FBXO31: variants seen among roughly 807,000 people sequenced by gnomAD.
FBXO31 encodes F-box protein 31.
Under a neutral mutation model 54.4 loss-of-function variants are expected in FBXO31, and 24 were observed. That is an observed-to-expected ratio of 0.44 (90% confidence interval 0.32 to 0.62). The LOEUF is 0.62. Among genes scored for constraint, FBXO31 ranks in the 20% least tolerant of loss-of-function variants. FBXO31 has a pLI of 0.05. For missense variants in FBXO31, 665 were observed against 787.1 expected (o/e 0.84, Z 1.86); for synonymous variants, 388 against 335.6 (o/e 1.16, Z -1.71).
intron 1 of FBXO31, among the ~76,000 whole-genome samples, chr16:87,368,360 T>G (rs142735105): frequency 6.6e-6 from 1 of 152,354 alleles, no homozygotes; most frequent in African/African-American, 2.4e-5. Context: ...CACATCCTTT[T>G]ATTGTTCTAT....
At chr16:87,334,398 T>TA in intron 7 of FBXO31, 112 bp from the exon 8 acceptor site, 1 of 995,502 alleles carries the variant, frequency 1.0e-6, no homozygotes, top group South Asian at 1.6e-5. Context: ...CCAGCCCTCC[T>TA]ACTGACTTAG....
In FBXO31 at chr16:87,343,781, G is replaced by A. The variant is rs1245393072; in HGVS notation, c.490-16C>T. On this transcript the variant is annotated splice_polypyrimidine_tract_variant and intron_variant, in intron 3 of 8. Coordinates refer to ENST00000311635, the MANE Select transcript of FBXO31 (RefSeq NM_024735.5). ...GGCCGTCCACCTACAGGAGGAGATG[G>A]GCAAAGGTCCATGAGTGGCTCCCGG... 6.2e-7 allele frequency: 1 copy of A among 1,613,698 alleles called. No homozygotes were observed. The highest frequency in any genetic ancestry group is 1.1e-5 in the South Asian group (1 of 91,060).
At chr16:87,376,836 T>C (rs932434298) in intron 1 of FBXO31, among the ~76,000 whole-genome samples, 4 of 152,214 alleles carry the variant, frequency 2.6e-5, no homozygotes, top group Non-Finnish European at 5.9e-5. Context: ...GGCCTGCCCT[T>C]GGCCTTATCA....
chr16:87,363,731 C>CT (rs879269406), intron 1 of FBXO31, among the ~76,000 whole-genome samples: 5 of 152,154 alleles, frequency 3.3e-5, no homozygotes, highest in Non-Finnish European at 5.9e-5. Context: ...CTGTGAGAGT[C>CT]TCCTGAGAGG....
intron 1 of FBXO31, among the ~76,000 whole-genome samples, chr16:87,361,092 G>A (rs747012488): frequency 5.9e-5 from 9 of 152,286 alleles, no homozygotes; most frequent in East Asian, 1.9e-4. Flanking sequence ...AGGAAAGACC[G>A]CCAGGGACTA....
chr16:87,366,880 TA>T (rs1324156691), intron 1 of FBXO31, among the ~76,000 whole-genome samples: 1 of 151,176 alleles, frequency 6.6e-6, no homozygotes, highest in African/African-American at 2.4e-5. Context: ...ATGCGGAAAA[TA>T]AAAAAGAAAC....
intron 2 of FBXO31, among the ~76,000 whole-genome samples, chr16:87,351,415 A>G (rs868445292): frequency 1.4e-3 from 218 of 151,450 alleles, no homozygotes; most frequent in African/African-American, 4.9e-3. Context: ...GTGGCGGGGG[A>G]AAGGAGCCAG....
chr16:87,351,643 C>T (rs1258925008), intron 2 of FBXO31, among the ~76,000 whole-genome samples: 2 of 152,074 alleles, frequency 1.3e-5, no homozygotes, highest in Non-Finnish European at 2.9e-5. Flanking sequence ...CCGAGGCAGG[C>T]GGATTACCTG....
intron 5 of FBXO31, among the ~76,000 whole-genome samples, chr16:87,337,899 T>A (rs1012454478): frequency 2.0e-5 from 3 of 151,666 alleles, no homozygotes; most frequent in South Asian, 4.2e-4. Context: ...TTTTTTAGGA[T>A]TCAGAAAATA....
At chr16:87,388,715 AATTCT>A (rs1207041690), upstream of FBXO31, 5 of 152,232 alleles carry the variant, frequency 3.3e-5, no homozygotes, top group African/African-American at 4.8e-5. Context: ...CATCACATTC[AATTCT>A]TAGCAGTTAC....
At position 87,345,447 on chromosome 16, in the gene FBXO31, C is replaced by G. The variant is rs1905345402; in HGVS notation, c.490-1682G>C. Among the ~76,000 whole-genome samples, 2 of 152,222 alleles carry G rather than the reference C, an allele frequency of 1.3e-5. No homozygotes were observed. Among genetic ancestry groups the G allele is most frequent in the Non-Finnish European group, 2.9e-5 (2 of 68,034 alleles). On this transcript the variant is annotated intron_variant, in intron 3 of 8. Transcript: ENST00000311635. The surrounding 1 kb of genome is among the most constrained non-coding windows in gnomAD (Gnocchi z 4.9). ...CCCGCAGAGCACCACCTCCTCACCC[C>G]ACAGGGACACCTGCAAATACCAAGA...
Position 87,342,957 on chromosome 16 carries a change from G to T in FBXO31, c.658-6C>A. 6.2e-7 allele frequency: 1 copy of T among 1,603,722 alleles called. No homozygotes were observed. Among genetic ancestry groups the T allele is most frequent in the East Asian group, 2.2e-5 (1 of 44,584 alleles). ...AACTCATCCTTCTTCACAATCTTCA[G>T]TGTTTGCAACACAAGGAAAGAGAAG... is the stretch of plus-strand genomic sequence containing the variant. On this transcript the variant is annotated splice_polypyrimidine_tract_variant and splice_region_variant and intron_variant, in intron 4 of 8. Coordinates refer to ENST00000311635, the MANE Select transcript of FBXO31 (RefSeq NM_024735.5).
intron 1 of FBXO31, among the ~76,000 whole-genome samples, chr16:87,369,751 G>A (rs1906517908): frequency 6.6e-6 from 1 of 152,064 alleles, no homozygotes; most frequent in Admixed American, 6.5e-5. Flanking sequence ...CTACAATACT[G>A]TTTTCCACAG....
At chr16:87,333,637 GCT>G (rs1420441392) in intron 8 of FBXO31, among the ~76,000 whole-genome samples, 2 of 152,236 alleles carry the variant, frequency 1.3e-5, no homozygotes, top group Non-Finnish European at 2.9e-5. Context: ...TGCCCCTGCA[GCT>G]CTGAGGTACC....
upstream of FBXO31, among the ~76,000 whole-genome samples, chr16:87,385,573 C>A (rs536923646): frequency 1.1e-4 from 16 of 152,146 alleles, no homozygotes; most frequent in Admixed American, 1.0e-3. Context: ...AATGCTCTAA[C>A]AATAAGTAAA....
chr16:87,374,731 G>A (rs778485800), intron 1 of FBXO31, among the ~76,000 whole-genome samples: 1 of 152,214 alleles, frequency 6.6e-6, no homozygotes, highest in Non-Finnish European at 1.5e-5. Context: ...GCTGGCTAGT[G>A]TGCCTCACTC....
At position 87,369,789 on chromosome 16, in the gene FBXO31, G is replaced by A. The variant is rs542401233; in HGVS notation, c.341-9423C>T. On this transcript the variant is annotated intron_variant, in intron 1 of 8. Coordinates refer to ENST00000311635, the MANE Select transcript of FBXO31 (RefSeq NM_024735.5). ...TGACTATTTTTCATAAATTTCTCTT[G>A]TTTTTGAGACAGGGTCTCACTTTCT... Among the ~76,000 whole-genome samples the A allele has an allele frequency of 5.3e-5, 8 of 152,172 alleles. No homozygotes were observed. In the South Asian group the frequency reaches 6.2e-4, roughly 12 times the overall value.
chr16:87,374,857 G>C (rs1378560062), intron 1 of FBXO31, among the ~76,000 whole-genome samples: 4 of 152,152 alleles, frequency 2.6e-5, no homozygotes, highest in African/African-American at 9.7e-5. Flanking sequence ...AAGCATATCA[G>C]CTTTAGGCAG....
Position 87,349,604 on chromosome 16 carries a change from G to A in FBXO31, c.413-2354C>T, listed in dbSNP as rs550070981. ...CAAGTGCCTGTAATCCCAGCTACTC[G>A]GGAGGCTGAGGCAGGAGAATCACTT... On this transcript the variant is annotated intron_variant, in intron 2 of 8. Coordinates refer to ENST00000311635, the MANE Select transcript of FBXO31 (RefSeq NM_024735.5). 5.3e-5 allele frequency among the ~76,000 whole-genome samples: 8 copies of A among 152,224 alleles called. No homozygotes were observed. The South Asian group carries it at 6.2e-4, about 12-fold the overall frequency.
Sources: allele counts gnomAD v4.1 joint callset (sites outside exome capture counted in the v4.1 genomes callset), GRCh38; gene constraint gnomAD v4.1.1; non-coding constraint Gnocchi (gnomAD v3.1); transcripts MANE v1.5; gene names NCBI Gene and HGNC (gene_info 2026-07-23, HGNC 2026-07-21).